PARD3: variants seen among roughly 807,000 people sequenced by gnomAD.
The protein encoded by PARD3 is par-3 family cell polarity regulator.
A neutral mutation model predicts 155.4 loss-of-function variants in PARD3; 75 were observed. The ratio of observed to expected loss-of-function variants is 0.48; its 90% CI spans 0.40 to 0.58. The LOEUF is 0.58. Among genes scored for constraint, PARD3 ranks in the 20% least tolerant of loss-of-function variants. The pLI is 0.00. For synonymous variants in PARD3, 576 were observed against 610.5 expected, an observed-to-expected ratio of 0.94 and a Z score of 0.83; for missense variants, 1,642 against 1,721.7, an observed-to-expected ratio of 0.95 and a Z score of 0.82.
At chr10:34,787,017 T>C (rs1188991116) in intron 1 of PARD3, among the ~76,000 whole-genome samples, 2 of 152,214 alleles carry the variant, frequency 1.3e-5, no homozygotes, top group African/African-American at 4.8e-5. Flanking sequence ...AGAAAACTGC[T>C]AGATCTTTTA....
chr10:34,633,595 G>C (rs140520347), intron 2 of PARD3, among the ~76,000 whole-genome samples: 17 of 152,302 alleles, frequency 1.1e-4, no homozygotes, highest in Non-Finnish European at 2.5e-4. Flanking sequence ...AACGTAGGCT[G>C]GTGCCGTATC....
chr10:34,758,869 A>G (rs531180938), intron 1 of PARD3, among the ~76,000 whole-genome samples: 1 of 152,298 alleles, frequency 6.6e-6, no homozygotes, highest in African/African-American at 2.4e-5. Flanking sequence ...CCCATGGTAT[A>G]AATTATACTA....
intron 6 of PARD3, 72 bp from the exon 7 acceptor site, chr10:34,399,485 C>G: frequency 1.1e-6 from 1 of 918,662 alleles, no homozygotes; most frequent in African/African-American, 1.7e-5. Context: ...CAAAACAAAA[C>G]AAAAAACTGC....
At chr10:34,781,123 C>T (rs543991008) in intron 1 of PARD3, among the ~76,000 whole-genome samples, 1 of 152,224 alleles carries the variant, frequency 6.6e-6, no homozygotes, top group African/African-American at 2.4e-5. Context: ...ACCCCTCCCC[C>T]CTCTAGCCTG....
At chr10:34,774,981 AG>A (rs1331970002) in intron 1 of PARD3, among the ~76,000 whole-genome samples, 2 of 152,232 alleles carry the variant, frequency 1.3e-5, no homozygotes, top group Non-Finnish European at 2.9e-5. Context: ...TCAACACTCA[AG>A]GTTTCTCAGT....
At chr10:34,697,766 A>AACAAACACAC (rs1554814487) in intron 1 of PARD3, among the ~76,000 whole-genome samples, 4 of 146,426 alleles carry the variant, frequency 2.7e-5, no homozygotes, top group Admixed American at 2.0e-4. Flanking sequence ...TTGTAAAACA[A>AACAAACACAC]ACACTCACAC....
intron 2 of PARD3, among the ~76,000 whole-genome samples, chr10:34,563,741 G>A (rs2085696387): frequency 6.6e-6 from 1 of 152,074 alleles, no homozygotes; most frequent in Non-Finnish European, 1.5e-5. Flanking sequence ...ATATTGGCCA[G>A]GATGGTCTCG....
At chr10:34,544,036 T>C (rs947228872) in intron 2 of PARD3, among the ~76,000 whole-genome samples, 1 of 152,198 alleles carries the variant, frequency 6.6e-6, no homozygotes, top group African/African-American at 2.4e-5. Context: ...ACAATTCTAG[T>C]TATCTTCAAC....
chr10:34,521,900 C>G (rs1311118600), intron 2 of PARD3, among the ~76,000 whole-genome samples: 1 of 152,208 alleles, frequency 6.6e-6, no homozygotes, highest in Non-Finnish European at 1.5e-5. Flanking sequence ...AAAGCCAGCT[C>G]TGACCTTATT....
At chr10:34,706,933 T>C (rs1197330038) in intron 1 of PARD3, among the ~76,000 whole-genome samples, 3 of 151,740 alleles carry the variant, frequency 2.0e-5, no homozygotes, top group Non-Finnish European at 4.4e-5. Context: ...CACAGTGAGA[T>C]CCTGTCTCCA....
chr10:34,350,241 C>T (rs924558922), intron 14 of PARD3, among the ~76,000 whole-genome samples: 6 of 152,296 alleles, frequency 3.9e-5, no homozygotes, highest in East Asian at 1.9e-4. Context: ...GGGGCACCAG[C>T]GGCACTGAGG....
chr10:34,509,335 C>T (rs1378797502), intron 3 of PARD3, among the ~76,000 whole-genome samples: 4 of 152,030 alleles, frequency 2.6e-5, no homozygotes, highest in East Asian at 3.9e-4. Context: ...AAAGGTTCTA[C>T]GAGCCTGAAA....
At chr10:34,343,767 TTC>T in intron 15 of PARD3, 1 of 984,990 alleles carries the variant, frequency 1.0e-6, no homozygotes, top group Non-Finnish European at 1.2e-6. Context: ...TTCAATTTAT[TTC>T]TGATAGGTAA....
chr10:34,461,903 T>C (rs2132957750), intron 4 of PARD3, among the ~76,000 whole-genome samples: 1 of 152,278 alleles, frequency 6.6e-6, no homozygotes, highest in Non-Finnish European at 1.5e-5. Context: ...CAATAACACC[T>C]TAGGATTTTA....
chr10:34,545,811 G>C (rs1459027276), intron 2 of PARD3, among the ~76,000 whole-genome samples: 1 of 152,122 alleles, frequency 6.6e-6, no homozygotes, highest in Non-Finnish European at 1.5e-5. Flanking sequence ...GCCCACCTCG[G>C]CTTCCCCAAG....
At chr10:34,798,800 T>G (rs1471275168) in intron 1 of PARD3, among the ~76,000 whole-genome samples, 1 of 151,914 alleles carries the variant, frequency 6.6e-6, no homozygotes, top group Non-Finnish European at 1.5e-5. Context: ...CAACTTGTGT[T>G]TTGGAAATTT....
chr10:34,449,047 T>G (rs1435843856), intron 5 of PARD3, among the ~76,000 whole-genome samples: 2 of 150,298 alleles, frequency 1.3e-5, no homozygotes, highest in Non-Finnish European at 2.9e-5. Context: ...GCCTCCCCAG[T>G]AGCTGGAACT....
chr10:34,249,282 G>C (rs1199563237), intron 22 of PARD3, among the ~76,000 whole-genome samples: 1 of 152,096 alleles, frequency 6.6e-6, no homozygotes, highest in Admixed American at 6.6e-5. Context: ...AAAGTGCTGG[G>C]ATTACAGGCA....
chr10:34,242,488 C>T (rs192799612), intron 22 of PARD3, among the ~76,000 whole-genome samples: 161 of 152,242 alleles, frequency 1.1e-3, no homozygotes, highest in African/African-American at 3.8e-3. Flanking sequence ...CAGTTCAACT[C>T]CCGTAAAATG....
Sources: allele counts gnomAD v4.1 joint callset (sites outside exome capture counted in the v4.1 genomes callset), GRCh38; gene constraint gnomAD v4.1.1; transcripts MANE v1.5; gene names NCBI Gene and HGNC (gene_info 2026-07-23, HGNC 2026-07-21).